The following RP2 variants were observed in gnomAD, a reference collection of about 807,000 sequenced individuals.
RP2 encodes the protein RP2 activator of ARL3 GTPase.
Under a neutral mutation model 20.3 loss-of-function variants are expected in RP2, and 3 were observed. That is an observed-to-expected ratio of 0.15 (90% CI 0.07 to 0.38). The LOEUF (loss-of-function observed/expected upper bound fraction) is 0.38. Among genes scored for constraint, RP2 ranks in the 10% least tolerant of loss-of-function variants. RP2 has a pLI of 1.00. For missense variants in RP2, 233 were observed against 268.5 expected (o/e 0.87, Z 0.92); for synonymous variants, 75 against 94.8 (o/e 0.79, Z 1.22).
intron 4 of RP2, among the ~76,000 whole-genome samples, chrX:46,878,358 C>G (rs1925411403): frequency 1.1e-5 from 1 of 93,575 alleles, no homozygotes. Flanking sequence ...GCCTGGGCGA[C>G]AGAGCGAGAC....
intron 3 of RP2, among the ~76,000 whole-genome samples, chrX:46,865,775 T>C (rs1220141829): frequency 9.0e-6 from 1 of 110,520 alleles, no homozygotes; most frequent in African/African-American, 3.3e-5. Flanking sequence ...TAAAAATACA[T>C]AAATTAGCTG....
At position 46,857,654 on chromosome X, in the gene RP2, A is replaced by AATTGTTTGG. The variant is rs374654896; in HGVS notation, c.769-2334_769-2333insATTGTTTGG. 5.5e-3 allele frequency among the ~76,000 whole-genome samples: 614 copies of AATTGTTTGG among 112,546 alleles called. 3 individuals carry two copies. The highest frequency in any genetic ancestry group is 0.033 in the South Asian group (91 of 2,762). ...GGATAAAATAGAGTAAAATAGTTTG[A>AATTGTTTGG]GAGTACTTCATCATCTGAAATTGAA... is the stretch of plus-strand genomic sequence containing the variant. On this transcript the variant is annotated intron_variant, in intron 2 of 4. Transcript: ENST00000218340.
chrX:46,879,084 A>AAAC, intron 4 of RP2, among the ~76,000 whole-genome samples: 1 of 100,583 alleles, frequency 9.9e-6, no homozygotes, highest in Non-Finnish European at 2.0e-5. Flanking sequence ...AAAAAAAAAA[A>AAAC]AAAAAACTAG....
Position 46,853,599 on chromosome X carries a change from G to T in RP2, c.226G>T (p.Asp76Tyr), listed in dbSNP as rs1924898105. The T allele has an allele frequency of 8.3e-7, 1 of 1,211,151 alleles. No homozygotes were observed. The highest frequency in any genetic ancestry group is 1.1e-6 in the Non-Finnish European group (1 of 895,231). The change falls in exon 2 of 5, where the codon GAT becomes TAT. Residue 76 changes from aspartate (D) to tyrosine (Y), a missense_variant. Transcript: ENST00000218340. ...TGAGAACTGTAACATCTATATTTTT[G>T]ATCACTCTGCTACAGTTACCATTGA... ...DCENCNIYIF[D>Y]HSATVTIDDC...
chrX:46,844,821 C>CGT (rs1924689694), intron 1 of RP2, among the ~76,000 whole-genome samples: 1 of 111,607 alleles, frequency 9.0e-6, no homozygotes, highest in Non-Finnish European at 1.9e-5. Context: ...CCTATTTCTC[C>CGT]ACCTCCTCTC....
chrX:46,877,023 G>C (rs901002692), intron 3 of RP2, among the ~76,000 whole-genome samples: 2 of 112,197 alleles, frequency 1.8e-5, no homozygotes, highest in Non-Finnish European at 3.8e-5. Context: ...ATCACTTTTG[G>C]TGCCTGGCCT....
At chrX:46,843,164 C>T (rs1556315299) in intron 1 of RP2, among the ~76,000 whole-genome samples, 2 of 109,925 alleles carry the variant, frequency 1.8e-5, no homozygotes, top group Non-Finnish European at 3.8e-5. Context: ...CCCGCCGCCA[C>T]GCCCGGCTAA....
intron 3 of RP2, among the ~76,000 whole-genome samples, chrX:46,865,053 A>G (rs1202626746): frequency 8.0e-5 from 9 of 112,466 alleles, no homozygotes; most frequent in Admixed American, 4.7e-4. Context: ...TAGTACAGAA[A>G]GTTTCTGTAT....
At chrX:46,879,643 T>C in intron 4 of RP2, 43 bp from the exon 5 acceptor site, 1 of 897,808 alleles carries the variant, frequency 1.1e-6, no homozygotes, top group Non-Finnish European at 1.6e-6. Context: ...CATTCTGAAG[T>C]ACTTGGTACT....
chrX:46,860,228 A>G, intron 3 of RP2, 126 bp downstream of exon 3: 5 of 528,710 alleles, frequency 9.5e-6, no homozygotes, highest in Non-Finnish European at 1.6e-5. Flanking sequence ...TTTTTTTTCT[A>G]TTATTGTTCT....
At chrX:46,843,418 A>G (rs1924660973) in intron 1 of RP2, among the ~76,000 whole-genome samples, 1 of 112,049 alleles carries the variant, frequency 8.9e-6, no homozygotes, top group South Asian at 3.6e-4. Context: ...AAATTTTGAT[A>G]AAGGTAAAAA....
At chrX:46,849,676 A>G (rs1924825428) in intron 1 of RP2, among the ~76,000 whole-genome samples, 1 of 112,573 alleles carries the variant, frequency 8.9e-6, no homozygotes, top group Non-Finnish European at 1.9e-5. Flanking sequence ...CTATTTAGCT[A>G]TAAAATCTTT....
At chrX:46,856,056 C>T in intron 2 of RP2, among the ~76,000 whole-genome samples, 1 of 111,524 alleles carries the variant, frequency 9.0e-6, no homozygotes, top group East Asian at 2.8e-4. Flanking sequence ...GAAAAATGTG[C>T]TTCTGGCTTT....
intron 1 of RP2, among the ~76,000 whole-genome samples, chrX:46,838,422 T>C (rs1429342204): frequency 8.9e-6 from 1 of 112,411 alleles, no homozygotes; most frequent in Admixed American, 9.5e-5. Context: ...TGCTTTCTAT[T>C]TCACAAGAAG....
chrX:46,847,822 GTATA>G (rs1924779425), intron 1 of RP2, among the ~76,000 whole-genome samples: 8 of 91,630 alleles, frequency 8.7e-5, no homozygotes, highest in Admixed American at 8.6e-4. Context: ...ACATATATGT[GTATA>G]TGTGTATATA....
intron 1 of RP2, among the ~76,000 whole-genome samples, chrX:46,847,919 T>A (rs1159909459): frequency 4.3e-5 from 2 of 46,805 alleles, no homozygotes; most frequent in Non-Finnish European, 7.1e-5. Flanking sequence ...GACTCATATA[T>A]GTGTATATAC....
At chrX:46,838,395 A>G (rs1300730821) in intron 1 of RP2, among the ~76,000 whole-genome samples, 1 of 111,995 alleles carries the variant, frequency 8.9e-6, no homozygotes. Flanking sequence ...TTTATAATGT[A>G]GGGGAAGAAA....
intron 3 of RP2, among the ~76,000 whole-genome samples, chrX:46,869,705 G>A (rs1925254212): frequency 9.5e-6 from 1 of 104,877 alleles, no homozygotes; most frequent in Admixed American, 1.0e-4. Context: ...CGCCTCCCGG[G>A]TTCAGGTGAT....
In RP2 at chrX:46,882,163, A is replaced by G. The variant is rs1288743000; in HGVS notation, c.*2394A>G. 2 of 112,603 alleles carry G rather than the reference A, an allele frequency of 1.8e-5. No individual in the cohort carries two copies. Among genetic ancestry groups the G allele is most frequent in the Non-Finnish European group, 3.7e-5 (2 of 53,374 alleles). The allele number at this position is 112,603 out of a possible 1,213,427, so 9.3% of individuals were successfully genotyped here. On this transcript the variant is annotated 3_prime_UTR_variant, in exon 5 of 5. Transcript: ENST00000218340. ...TCATTTCTGAATAGCTTTTGAATTTATGAAAAATTATTAACAATGAAAAAT... is the reference window on the plus strand; with the variant it reads ...TCATTTCTGAATAGCTTTTGAATTTGTGAAAAATTATTAACAATGAAAAAT...
Sources: allele counts gnomAD v4.1 joint callset (sites outside exome capture counted in the v4.1 genomes callset), GRCh38; gene constraint gnomAD v4.1.1; transcripts MANE v1.5; gene names NCBI Gene and HGNC (gene_info 2026-07-23, HGNC 2026-07-21).